Variants in MAGI2 observed in about 807,000 individuals in gnomAD.
MAGI2 encodes the protein membrane-associated guanylate kinase, WW and PDZ domain-containing protein 2.
MAGI2 carries 35 observed loss-of-function variants against 133.3 expected under a neutral mutation model. That is an observed-to-expected ratio of 0.26 (90% CI 0.20 to 0.35). The LOEUF is 0.35. MAGI2 is among the 10% of genes least tolerant of loss of function. The pLI, the probability that MAGI2 is intolerant of heterozygous loss-of-function variation, is 1.00. For synonymous variants in MAGI2, 729 were observed against 710.6 expected, an observed-to-expected ratio of 1.03 and a Z score of -0.41; for missense variants, 1,636 against 1,863.4, an observed-to-expected ratio of 0.88 and a Z score of 2.25.
intron 9 of MAGI2, among the ~76,000 whole-genome samples, chr7:78,290,977 G>A (rs1426372979): frequency 1.3e-5 from 2 of 152,142 alleles, no homozygotes; most frequent in Non-Finnish European, 2.9e-5. Context: ...GCCCACAAGA[G>A]AAAGCAGGAA....
chr7:78,795,251 G>A (rs1426891767), intron 2 of MAGI2, among the ~76,000 whole-genome samples: 1 of 151,372 alleles, frequency 6.6e-6, no homozygotes, highest in Non-Finnish European at 1.5e-5. Context: ...ATGTTTATTT[G>A]ATCTTATATT....
chr7:78,764,692 T>C (rs1314288097), intron 2 of MAGI2, among the ~76,000 whole-genome samples: 2 of 152,216 alleles, frequency 1.3e-5, no homozygotes, highest in African/African-American at 4.8e-5. Context: ...TACAGCCAAA[T>C]ACAGTTCTTG....
chr7:78,734,056 T>C (rs894662816), intron 2 of MAGI2, among the ~76,000 whole-genome samples: 2 of 152,314 alleles, frequency 1.3e-5, no homozygotes, highest in African/African-American at 4.8e-5. Context: ...TTTCCTCATA[T>C]CATCTAAGAA....
chr7:78,959,007 A>G (rs1380176681), intron 2 of MAGI2, among the ~76,000 whole-genome samples: 1 of 152,110 alleles, frequency 6.6e-6, no homozygotes, highest in Non-Finnish European at 1.5e-5. Context: ...TGAGCTTCAT[A>G]CTGATCTACA....
At chr7:78,196,256 TC>T (rs1317492159) in intron 11 of MAGI2, among the ~76,000 whole-genome samples, 1 of 151,914 alleles carries the variant, frequency 6.6e-6, no homozygotes, top group Non-Finnish European at 1.5e-5. Flanking sequence ...GACCGCCCTG[TC>T]CCTCCTGCCC....
At chr7:78,964,067 T>A (rs1562724461) in intron 2 of MAGI2, among the ~76,000 whole-genome samples, 2 of 152,060 alleles carry the variant, frequency 1.3e-5, no homozygotes, top group Non-Finnish European at 2.9e-5. Context: ...ATGTTTTATC[T>A]GAGGGAAGGG....
At chr7:78,865,263 C>T (rs1794464947) in intron 2 of MAGI2, among the ~76,000 whole-genome samples, 1 of 152,132 alleles carries the variant, frequency 6.6e-6, no homozygotes, top group Non-Finnish European at 1.5e-5. Flanking sequence ...AAAAGGACAA[C>T]ACTTCCTACA....
intron 1 of MAGI2, among the ~76,000 whole-genome samples, chr7:79,381,069 T>C (rs1041946276): frequency 3.0e-4 from 45 of 151,744 alleles, no homozygotes; most frequent in African/African-American, 1.0e-3. Context: ...TCCATGAATC[T>C]CAAATCACCA....
intron 11 of MAGI2, among the ~76,000 whole-genome samples, chr7:78,198,876 T>C (rs1828983254): frequency 2.0e-5 from 3 of 152,222 alleles, no homozygotes; most frequent in Non-Finnish European, 2.9e-5. Flanking sequence ...CACTTGATCC[T>C]TTCCAGATGG....
intron 1 of MAGI2, among the ~76,000 whole-genome samples, chr7:79,242,065 C>G (rs769231240): frequency 2.0e-5 from 3 of 152,076 alleles, no homozygotes. Flanking sequence ...TAATTAAGCT[C>G]TTTATTTGCT....
chr7:78,486,834 C>A, intron 6 of MAGI2: 2 of 467,690 alleles, frequency 4.3e-6, no homozygotes, highest in Non-Finnish European at 8.5e-6. Flanking sequence ...TCCCTGAGCT[C>A]GACAGAAAGA....
In MAGI2 at chr7:78,078,969, G is replaced by A. The variant is rs758993525; in HGVS notation, c.3684C>T (p.Gly1228=). Residue 1228 remains glycine, a synonymous_variant, in exon 21 of 22, where the codon GGC becomes GGT. Transcript: ENST00000354212. ...GRRVRLLLKR[G]TGQVPEYDEP... ...TACCATATTCTGGGACCTGTCCCGT[G>A]CCTCTCTTGAGCAGCAGCCTCACTC... The A allele has an allele frequency of 1.2e-6, 2 of 1,613,642 alleles. No homozygotes were observed. Among genetic ancestry groups the A allele is most frequent in the Non-Finnish European group, 1.7e-6 (2 of 1,179,890 alleles).
intron 20 of MAGI2, among the ~76,000 whole-genome samples, chr7:78,105,062 G>A (rs1583919384): frequency 6.6e-6 from 1 of 151,880 alleles, no homozygotes; most frequent in African/African-American, 2.4e-5. Flanking sequence ...ATAATATATG[G>A]CTATATCCCT....
intron 2 of MAGI2, among the ~76,000 whole-genome samples, chr7:78,831,160 T>C (rs542356243): frequency 3.0e-4 from 45 of 152,290 alleles, no homozygotes; most frequent in Admixed American, 2.2e-3. Context: ...GCCCATACAT[T>C]ATCAGCCACA....
At chr7:78,308,885 T>C (rs1798459290) in intron 9 of MAGI2, among the ~76,000 whole-genome samples, 1 of 152,230 alleles carries the variant, frequency 6.6e-6, no homozygotes, top group African/African-American at 2.4e-5. Context: ...AATTCACTCA[T>C]TCACTCAAAA....
intron 1 of MAGI2, among the ~76,000 whole-genome samples, chr7:79,343,666 G>A (rs968712023): frequency 5.3e-5 from 8 of 151,862 alleles, no homozygotes; most frequent in East Asian, 1.9e-4. Context: ...TAATTTCCCC[G>A]ATTCTGCTCC....
At chr7:78,548,524 G>C (rs982185403) in intron 3 of MAGI2, among the ~76,000 whole-genome samples, 2 of 152,014 alleles carry the variant, frequency 1.3e-5, no homozygotes, top group African/African-American at 4.8e-5. Context: ...GTGAAACCCC[G>C]TCTCTATTAA....
At chr7:78,944,382 G>T (rs547683224) in intron 2 of MAGI2, among the ~76,000 whole-genome samples, 2 of 152,106 alleles carry the variant, frequency 1.3e-5, no homozygotes, top group South Asian at 2.1e-4. Flanking sequence ...TTTCCTAATG[G>T]TGTGTTAGGA....
chr7:79,011,721 T>G (rs1203927373), intron 1 of MAGI2, among the ~76,000 whole-genome samples: 2 of 152,154 alleles, frequency 1.3e-5, no homozygotes, highest in Non-Finnish European at 2.9e-5. Context: ...CAAACTACTC[T>G]AATGTTCTAA....
Sources: gnomAD v4.1 joint callset for allele counts (sites outside exome capture counted in the v4.1 genomes callset) on GRCh38, gnomAD v4.1.1 for gene constraint, MANE v1.5 for transcripts, NCBI Gene and HGNC (gene_info 2026-07-23, HGNC 2026-07-21) for gene names.